Variants in GRIK3 observed in about 807,000 individuals in gnomAD.
GRIK3 encodes glutamate receptor ionotropic, kainate 3.
Under a neutral mutation model 102.5 loss-of-function variants are expected in GRIK3, and 29 were observed. The ratio of observed to expected loss-of-function variants is 0.28; its 90% confidence interval spans 0.21 to 0.39. The LOEUF (loss-of-function observed/expected upper bound fraction) is 0.39. Among genes scored for constraint, GRIK3 ranks in the 10% least tolerant of loss-of-function variants. GRIK3 has a pLI of 1.00. For missense variants in GRIK3, 908 were observed against 1,252.4 expected (o/e 0.73, Z 4.15); for synonymous variants, 511 against 504.9 (o/e 1.01, Z -0.16).
intron 3 of GRIK3, among the ~76,000 whole-genome samples, chr1:36,877,789 A>G (rs1640926510): frequency 6.6e-6 from 1 of 151,718 alleles, no homozygotes; most frequent in Non-Finnish European, 1.5e-5. Context: ...TCCTGCTCCA[A>G]TCTCTCCTCC....
intron 1 of GRIK3, among the ~76,000 whole-genome samples, chr1:37,005,792 A>C (rs1263408178): frequency 6.6e-6 from 1 of 152,186 alleles, no homozygotes; most frequent in Non-Finnish European, 1.5e-5. Context: ...GGAATAAATA[A>C]AGCTGACAAA....
At chr1:36,859,014 G>T in intron 7 of GRIK3, 94 bp downstream of exon 7, 1 of 1,145,554 alleles carries the variant, frequency 8.7e-7, no homozygotes, top group Non-Finnish European at 1.2e-6. Context: ...ACATGGATGA[G>T]AATCAATCCT....
At chr1:36,934,463 G>A (rs556692451) in intron 1 of GRIK3, among the ~76,000 whole-genome samples, 66 of 152,062 alleles carry the variant, frequency 4.3e-4, no homozygotes, top group Non-Finnish European at 5.1e-4. Context: ...CCAGCTCAGG[G>A]GTCCACAAGG....
At chr1:36,927,282 C>T (rs1174362723) in intron 1 of GRIK3, among the ~76,000 whole-genome samples, 2 of 152,184 alleles carry the variant, frequency 1.3e-5, no homozygotes, top group Non-Finnish European at 1.5e-5. Context: ...TAATTCTTCT[C>T]GTTTTCTCCA....
intron 1 of GRIK3, among the ~76,000 whole-genome samples, chr1:36,946,629 G>T (rs1641787710): frequency 6.6e-6 from 1 of 152,186 alleles, no homozygotes; most frequent in Non-Finnish European, 1.5e-5. Context: ...ACCACAAACA[G>T]TAATAATCAT....
chr1:37,012,498 C>G lies in GRIK3; in HGVS notation c.115+21496G>C, dbSNP rs1053269217. Among the ~76,000 whole-genome samples the G allele has an allele frequency of 6.4e-4, 98 of 152,142 alleles. 1 individual carries two copies. The highest frequency in any genetic ancestry group is 2.3e-3 in the African/African-American group (94 of 41,444). ...AAGGTCACAATTGCAAACCACGAGG[C>G]CAGGAAGAGGGTTACATGTTAAGAA... On this transcript the variant is annotated intron_variant, in intron 1 of 15. Transcript: ENST00000373091.
chr1:36,903,588 G>A (rs755394918), intron 1 of GRIK3, among the ~76,000 whole-genome samples: 2 of 152,164 alleles, frequency 1.3e-5, no homozygotes, highest in Non-Finnish European at 2.9e-5. Flanking sequence ...GTAGATGAGT[G>A]GATACACAAA....
intron 2 of GRIK3, among the ~76,000 whole-genome samples, chr1:36,889,337 T>G (rs963841730): frequency 6.0e-5 from 9 of 149,534 alleles, no homozygotes; most frequent in African/African-American, 2.2e-4. Flanking sequence ...AGCCCAGAGG[T>G]GGGAGGAAGC....
chr1:36,850,555 C>G lies in GRIK3; in HGVS notation c.1213-131G>C. On this transcript the variant is annotated intron_variant, in intron 8 of 15. Coordinates refer to ENST00000373091, the MANE Select transcript of GRIK3 (RefSeq NM_000831.4). This position sits in a 1 kb window ranked among gnomAD's most constrained non-coding sequence, Gnocchi z 4.0. ...GTCATGATCATCATCATCATCACCA[C>G]TGCCATTGTGTTTCCAGTTATAACC... is the stretch of plus-strand genomic sequence containing the variant. 1 of 657,254 alleles carries G rather than the reference C, an allele frequency of 1.5e-6. No individual in the cohort carries two copies. The highest frequency in any genetic ancestry group is 2.8e-6 in the Non-Finnish European group (1 of 359,932). The allele number at this position is 657,254 out of a possible 1,614,324, so 40.7% of individuals were successfully genotyped here.
intron 1 of GRIK3, among the ~76,000 whole-genome samples, chr1:36,976,293 C>T (rs12125163): frequency 0.064 from 9,727 of 152,224 alleles, 342 homozygotes; most frequent in Middle Eastern, 0.092. Context: ...CAGCTACATT[C>T]CCCCCAAGAC....
chr1:36,887,756 CAAA>C (rs375757853), intron 2 of GRIK3, among the ~76,000 whole-genome samples: 6,286 of 103,488 alleles, frequency 0.061, 230 homozygotes, highest in African/African-American at 0.1. Flanking sequence ...AATTCCATCT[CAAA>C]AAAAAAAAAA....
chr1:36,975,533 A>G (rs897605937), intron 1 of GRIK3, among the ~76,000 whole-genome samples: 22 of 152,152 alleles, frequency 1.4e-4, no homozygotes, highest in African/African-American at 5.3e-4. Flanking sequence ...GGACCTCGTG[A>G]TCTCCCGCCT....
At chr1:36,952,237 G>A (rs536847662) in intron 1 of GRIK3, among the ~76,000 whole-genome samples, 1 of 152,276 alleles carries the variant, frequency 6.6e-6, no homozygotes, top group Admixed American at 6.5e-5. Flanking sequence ...CCTCCATGGT[G>A]TCTCCTCAGG....
At chr1:36,968,219 CCGT>C (rs1642100325) in intron 1 of GRIK3, among the ~76,000 whole-genome samples, 86 of 127,490 alleles carry the variant, frequency 6.7e-4, no homozygotes, top group African/African-American at 2.7e-3. Flanking sequence ...CTCTCTCTCT[CCGT>C]GTGTGTGTGT....
chr1:36,928,736 C>CAA (rs1359242097), intron 1 of GRIK3, among the ~76,000 whole-genome samples: 1 of 152,218 alleles, frequency 6.6e-6, no homozygotes, highest in East Asian at 1.9e-4. Context: ...CCCCAAACTT[C>CAA]TTCAGCCTCA....
intron 10 of GRIK3, 39 bp from the exon 11 acceptor site, chr1:36,825,865 A>T: frequency 1.4e-6 from 2 of 1,416,162 alleles, no homozygotes; most frequent in Non-Finnish European, 2.0e-6. Context: ...ACTATGAGCA[A>T]AGTCTCAGAA....
chr1:36,894,373 G>A (rs538480185), intron 1 of GRIK3, among the ~76,000 whole-genome samples: 3 of 152,158 alleles, frequency 2.0e-5, no homozygotes, highest in East Asian at 1.9e-4. Flanking sequence ...TTGTATAGAC[G>A]TACCACATTT....
At chr1:36,956,162 C>T (rs898294528) in intron 1 of GRIK3, among the ~76,000 whole-genome samples, 2 of 152,210 alleles carry the variant, frequency 1.3e-5, no homozygotes, top group Non-Finnish European at 1.5e-5. Context: ...CATCCTCTCC[C>T]CTTCTCAGAC....
At chr1:36,822,782 C>T (rs1642709977) in intron 11 of GRIK3, among the ~76,000 whole-genome samples, 1 of 152,178 alleles carries the variant, frequency 6.6e-6, no homozygotes, top group East Asian at 1.9e-4. Flanking sequence ...AGCCCTGCCT[C>T]CTGGGTCAGG....
Sources: gnomAD v4.1 joint callset for allele counts (sites outside exome capture counted in the v4.1 genomes callset) on GRCh38, gnomAD v4.1.1 for gene constraint, Gnocchi (gnomAD v3.1) non-coding constraint, MANE v1.5 for transcripts, NCBI Gene and HGNC (gene_info 2026-07-23, HGNC 2026-07-21) for gene names.